RYK: variants seen among roughly 807,000 people sequenced by gnomAD.
RYK encodes the protein inactive tyrosine-protein kinase RYK.
Under a neutral mutation model 70.2 loss-of-function variants are expected in RYK, and 21 were observed. The observed-to-expected ratio is 0.30, with a 90% CI of 0.21 to 0.43. RYK has a LOEUF of 0.43. Among genes scored for constraint, RYK ranks in the 20% least tolerant of loss-of-function variants. The pLI is 1.00. For missense variants in RYK, 604 were observed against 753.3 expected (o/e 0.80, Z 2.32); for synonymous variants, 267 against 278.0 (o/e 0.96, Z 0.39).
intron 3 of RYK, 73 bp from the exon 4 acceptor site, chr3:134,209,902 T>C: frequency 5.4e-6 from 6 of 1,103,588 alleles, no homozygotes; most frequent in Non-Finnish European, 7.6e-6. Flanking sequence ...ATGATTCTTT[T>C]AAACATTTTA....
intron 1 of RYK, among the ~76,000 whole-genome samples, chr3:134,236,972 A>G (rs1002569196): frequency 1.3e-5 from 2 of 152,192 alleles, no homozygotes; most frequent in African/African-American, 4.8e-5. Context: ...CCCATTGCCA[A>G]TTCCAGCAAA....
chr3:134,190,786 C>T (rs987419243), intron 8 of RYK, among the ~76,000 whole-genome samples: 1 of 152,168 alleles, frequency 6.6e-6, no homozygotes, highest in African/African-American at 2.4e-5. Flanking sequence ...TATTCTATCC[C>T]ATTCAGAGAC....
rs1013974106 is a variant in RYK, at chr3:134,159,429, T to G, written c.1576-56A>C. On this transcript the variant is annotated intron_variant, in intron 13 of 14. Transcript: ENST00000623711. The stretch of plus-strand genomic sequence containing the variant: ...ACATTTAAAACAACAGTCAGGGGGC[T>G]AGCGCCCACAGCCAGCTACAGGACA... 2.9e-5 allele frequency: 44 copies of G among 1,501,358 alleles called. No homozygotes were observed. The African/African-American group carries it at 5.3e-4, about 18-fold the overall frequency. 93.0% of individuals were successfully genotyped at this position (1,501,358 alleles called of 1,614,324 possible).
intron 2 of RYK, among the ~76,000 whole-genome samples, chr3:134,217,207 T>C (rs368000131): frequency 1.3e-5 from 2 of 152,340 alleles, no homozygotes; most frequent in South Asian, 4.1e-4. Context: ...TGCAGATCTC[T>C]GGAAGCAAAT....
chr3:134,168,321 C>T (rs1408482406), intron 13 of RYK, among the ~76,000 whole-genome samples: 3 of 152,084 alleles, frequency 2.0e-5, no homozygotes, highest in Non-Finnish European at 4.4e-5. Context: ...CACATGCACA[C>T]GTATGTTTAT....
chr3:134,250,469 G>C lies in RYK; in HGVS notation c.186C>G (p.Pro62=). Residue 62 remains proline (P), a synonymous_variant, in exon 1 of 15, where the codon CCC becomes CCG. Coordinates refer to ENST00000623711, the MANE Select transcript of RYK (RefSeq NM_002958.4). The part of the protein sequence containing the change: ...PPELQSASAG[P]SVSLYLSEDE... ...CCTCGCTCAGGTAGAGACTCACGCT[G>C]GGCCCCGCGGAAGCCGACTGCAGCT... The C allele has an allele frequency of 1.5e-6, 2 of 1,368,826 alleles. No homozygotes were observed. Among genetic ancestry groups the C allele is most frequent in the Non-Finnish European group, 1.9e-6 (2 of 1,055,932 alleles). The allele number at this position is 1,368,826 out of a possible 1,614,324, so 84.8% of individuals were successfully genotyped here. A position where few individuals can be genotyped will look rare whatever the true frequency, so the allele number is the denominator to read the frequency against.
intron 9 of RYK, among the ~76,000 whole-genome samples, chr3:134,185,808 G>A (rs927157394): frequency 6.6e-5 from 10 of 152,114 alleles, no homozygotes; most frequent in Non-Finnish European, 1.2e-4. Context: ...GGTAATTTCA[G>A]AATGTGTCAT....
At chr3:134,175,526 C>T in intron 13 of RYK, 83 bp downstream of exon 13, 1 of 1,504,266 alleles carries the variant, frequency 6.6e-7, no homozygotes, top group African/African-American at 1.4e-5. Flanking sequence ...TTTTTAAAAA[C>T]CCAAAAGATA....
chr3:134,173,746 A>G (rs2108149543), intron 13 of RYK, among the ~76,000 whole-genome samples: 1 of 152,340 alleles, frequency 6.6e-6, no homozygotes, highest in South Asian at 2.1e-4. Flanking sequence ...AACCATATCA[A>G]TATCAAATAG....
intron 13 of RYK, among the ~76,000 whole-genome samples, chr3:134,166,362 T>TA (rs1258835190): frequency 5.3e-5 from 8 of 152,234 alleles, no homozygotes; most frequent in South Asian, 2.1e-4. Context: ...TTGGACTTCC[T>TA]AGACTCCAGA....
At chr3:134,196,839 T>C (rs1191124882) in intron 6 of RYK, among the ~76,000 whole-genome samples, 5 of 152,086 alleles carry the variant, frequency 3.3e-5, no homozygotes, top group African/African-American at 7.2e-5. Flanking sequence ...AAGATAGAAA[T>C]GTCCTGCAAT....
At chr3:134,221,179 T>C (rs2014720783) in intron 2 of RYK, among the ~76,000 whole-genome samples, 1 of 149,488 alleles carries the variant, frequency 6.7e-6, no homozygotes, top group African/African-American at 2.4e-5. Flanking sequence ...AACTACAAAG[T>C]CTTAACAGTT....
chr3:134,184,994 G>T (rs1475376163), intron 9 of RYK, among the ~76,000 whole-genome samples: 1 of 150,318 alleles, frequency 6.7e-6, no homozygotes, highest in Non-Finnish European at 1.5e-5. Context: ...AATTAGCAGG[G>T]TGTGGTGTTG....
At position 134,195,075 on chromosome 3, in the gene RYK, CT is replaced by C. The variant is rs2013769955; in HGVS notation, c.889+6del. 6.3e-7 allele frequency: 1 copy of C among 1,593,306 alleles called. No homozygotes were observed. The highest frequency in any genetic ancestry group is 8.6e-7 in the Non-Finnish European group (1 of 1,161,326). Reference sequence around the variant, plus strand: ...TAAACTGGCTTTAGAATTAAATTAACTCTTACTGGTGATAGGAGTTGCATTG... The same window carrying C: ...TAAACTGGCTTTAGAATTAAATTAACCTTACTGGTGATAGGAGTTGCATTG... On this transcript the variant is annotated splice_donor_region_variant and intron_variant, in intron 7 of 14. Coordinates refer to ENST00000623711, the MANE Select transcript of RYK (RefSeq NM_002958.4).
intron 1 of RYK, among the ~76,000 whole-genome samples, chr3:134,239,796 T>C (rs959939081): frequency 2.6e-5 from 4 of 152,204 alleles, no homozygotes; most frequent in Non-Finnish European, 5.9e-5. Flanking sequence ...ACCAAAAAAG[T>C]ATCAGATGCT....
intron 13 of RYK, among the ~76,000 whole-genome samples, chr3:134,161,106 T>C (rs1466316997): frequency 6.6e-6 from 1 of 152,222 alleles, no homozygotes. Flanking sequence ...TATTCTCTTA[T>C]GTTAAAATTT....
intron 1 of RYK, among the ~76,000 whole-genome samples, chr3:134,230,523 G>A (rs1362501156): frequency 6.6e-6 from 1 of 152,160 alleles, no homozygotes; most frequent in Admixed American, 6.5e-5. Context: ...GTAACAATAG[G>A]GATGAATTTC....
chr3:134,169,634 G>A (rs1057290829), intron 13 of RYK, among the ~76,000 whole-genome samples: 10 of 152,128 alleles, frequency 6.6e-5, no homozygotes, highest in Admixed American at 2.0e-4. Context: ...TAAAAATTCT[G>A]AAAACACAGC....
chr3:134,179,182 A>G (rs554010383), intron 10 of RYK: 12 of 152,356 alleles, frequency 7.9e-5, no homozygotes, highest in African/African-American at 2.9e-4. Context: ...AAAATAATAA[A>G]GGTCTGCATG....
Sources: allele counts gnomAD v4.1 joint callset (sites outside exome capture counted in the v4.1 genomes callset), GRCh38; gene constraint gnomAD v4.1.1; transcripts MANE v1.5; gene names NCBI Gene and HGNC (gene_info 2026-07-23, HGNC 2026-07-21).